MBD5: variants seen among roughly 807,000 people sequenced by gnomAD.
MBD5 encodes the protein methyl-CpG-binding domain protein 5.
A neutral mutation model predicts 117.3 loss-of-function variants in MBD5; 13 were observed. The ratio of observed to expected loss-of-function variants is 0.11; its 90% CI spans 0.07 to 0.18. The LOEUF (loss-of-function observed/expected upper bound fraction) is 0.18, where lower values mean the gene tolerates loss of function less well. MBD5 is among the 10% of genes least tolerant of loss of function. The pLI is 1.00. For synonymous variants in MBD5, 727 were observed against 766.4 expected, an observed-to-expected ratio of 0.95 and a Z score of 0.85; for missense variants, 1,879 against 2,093.8, an observed-to-expected ratio of 0.90 and a Z score of 2.00.
intron 1 of MBD5, among the ~76,000 whole-genome samples, chr2:148,145,939 G>T (rs1558945066): frequency 6.6e-6 from 1 of 152,086 alleles, no homozygotes. Flanking sequence ...GCCAGGCTTT[G>T]GTATCAGGAT....
chr2:148,461,822 C>T (rs1295707694), intron 5 of MBD5, among the ~76,000 whole-genome samples: 1 of 152,176 alleles, frequency 6.6e-6, no homozygotes, highest in Non-Finnish European at 1.5e-5. Flanking sequence ...ACATATCTTA[C>T]TGACTTTTGT....
chr2:148,381,045 C>G (rs1416012338), intron 4 of MBD5, among the ~76,000 whole-genome samples: 1 of 152,084 alleles, frequency 6.6e-6, no homozygotes, highest in Non-Finnish European at 1.5e-5. Context: ...AAACCAGAAA[C>G]TCAAAATCAG....
chr2:148,238,320 T>C lies in MBD5; in HGVS notation c.-680+4925T>C, dbSNP rs1171029058. On this transcript the variant is annotated intron_variant, in intron 3 of 13. Coordinates refer to ENST00000642680, the MANE Select transcript of MBD5 (RefSeq NM_001378120.1). ...TAATCTGAGTCTCATAGAAACTATG[T>C]ACATTCCAAATTTTGTTTAAAAATG... Among the ~76,000 whole-genome samples the C allele has an allele frequency of 2.0e-5, 3 of 152,224 alleles. No homozygotes were observed. In the East Asian group the frequency reaches 5.8e-4, roughly 29 times the overall value.
At position 148,510,116 on chromosome 2, in the gene MBD5, T is replaced by G. The variant is rs1292438194; in HGVS notation, c.5093T>G (p.Leu1698Arg). 1 of 1,611,070 alleles carries G rather than the reference T, an allele frequency of 6.2e-7. No individual in the cohort carries two copies. Among genetic ancestry groups the G allele is most frequent in the African/African-American group, 1.3e-5 (1 of 75,010 alleles). Residue 1698 changes from leucine (L) to arginine (R), a missense_variant, in exon 13 of 14, where the codon CTG becomes CGG. Transcript: ENST00000642680. ...EAAIHEAMSE[L>R]DKMSGTVHQI... ...GCTATTCATGAGGCCATGAGTGAAC[T>G]GGACAAAATGTCTGGGACTGTAAGT...
At chr2:148,283,117 C>T (rs1313572068) in intron 3 of MBD5, among the ~76,000 whole-genome samples, 3 of 152,024 alleles carry the variant, frequency 2.0e-5, no homozygotes, top group Non-Finnish European at 4.4e-5. Context: ...ATAACACTCC[C>T]ATATCAGAGT....
At chr2:148,209,120 C>T (rs1574139321) in intron 2 of MBD5, among the ~76,000 whole-genome samples, 3 of 152,106 alleles carry the variant, frequency 2.0e-5, no homozygotes, top group Admixed American at 2.0e-4. Context: ...CATTCTAAAA[C>T]TGATTATGTT....
intron 3 of MBD5, among the ~76,000 whole-genome samples, chr2:148,251,820 A>G (rs1250696880): frequency 6.6e-6 from 1 of 152,206 alleles, no homozygotes; most frequent in African/African-American, 2.4e-5. Context: ...CCAAAAAGAC[A>G]GGTCATTTTG....
At chr2:148,242,940 G>C (rs772715254) in intron 3 of MBD5, among the ~76,000 whole-genome samples, 9 of 152,186 alleles carry the variant, frequency 5.9e-5, no homozygotes, top group Non-Finnish European at 1.2e-4. Flanking sequence ...TTTTGCTATA[G>C]TGGAAGTAAT....
At chr2:148,134,044 C>T (rs576652184) in intron 1 of MBD5, among the ~76,000 whole-genome samples, 1 of 152,134 alleles carries the variant, frequency 6.6e-6, no homozygotes, top group South Asian at 2.1e-4. Context: ...CATAGACATT[C>T]CTAAAAGAAA....
intron 1 of MBD5, among the ~76,000 whole-genome samples, chr2:148,157,837 T>A (rs1697911524): frequency 6.6e-6 from 1 of 152,210 alleles, no homozygotes; most frequent in African/African-American, 2.4e-5. Context: ...TGGATTAACT[T>A]TTTTATTCCA....
intron 4 of MBD5, chr2:148,346,116 A>G (rs1178485329): frequency 6.6e-6 from 1 of 151,962 alleles, no homozygotes; most frequent in Non-Finnish European, 1.5e-5. Flanking sequence ...CAAGGGGTAT[A>G]TGGGAGTCTC....
chr2:148,282,534 G>C, intron 3 of MBD5, among the ~76,000 whole-genome samples: 1 of 135,456 alleles, frequency 7.4e-6, no homozygotes, highest in East Asian at 2.1e-4. Flanking sequence ...GTTGTTCAAG[G>C]TTAAAAAAAT....
intron 12 of MBD5, 81 bp from the exon 13 acceptor site, chr2:148,509,979 T>A (rs1312245779): frequency 2.8e-5 from 33 of 1,164,512 alleles, no homozygotes; most frequent in Non-Finnish European, 4.0e-5. Flanking sequence ...GAATTGGTAC[T>A]TTTGTTTTCT....
intron 4 of MBD5, among the ~76,000 whole-genome samples, chr2:148,433,952 T>A (rs1036775932): frequency 4.6e-5 from 7 of 151,832 alleles, no homozygotes; most frequent in African/African-American, 1.7e-4. Context: ...TTTAATAGTT[T>A]CAGTAGAAAT....
rs1011419562 is a variant in MBD5 at position 148,195,196 on chromosome 2, T to G, written c.-831+16403T>G. Among the ~76,000 whole-genome samples the G allele has an allele frequency of 4.0e-5, 6 of 151,734 alleles. No homozygotes were observed. The East Asian group carries it at 1.2e-3, about 29-fold the overall frequency. Reference sequence around the variant, plus strand: ...TGCATTTTAAATATAAAAACACAGGTAGGTTAAAAGTTAAAGGATGTGTTA... The same window carrying G: ...TGCATTTTAAATATAAAAACACAGGGAGGTTAAAAGTTAAAGGATGTGTTA... On this transcript the variant is annotated intron_variant, in intron 2 of 13. Transcript: ENST00000642680.
chr2:148,407,362 G>C (rs1468493586), intron 4 of MBD5, among the ~76,000 whole-genome samples: 3 of 151,704 alleles, frequency 2.0e-5, no homozygotes, highest in African/African-American at 7.3e-5. Flanking sequence ...GTGTGTGTGT[G>C]TGTGTGTTTG....
intron 4 of MBD5, among the ~76,000 whole-genome samples, chr2:148,443,010 TA>T (rs1706374583): frequency 6.6e-6 from 1 of 151,344 alleles, no homozygotes; most frequent in East Asian, 1.9e-4. Flanking sequence ...CAGGGATCAA[TA>T]ACCAGAATAT....
At chr2:148,382,262 C>T (rs1035086609) in intron 4 of MBD5, among the ~76,000 whole-genome samples, 2 of 151,800 alleles carry the variant, frequency 1.3e-5, no homozygotes, top group Non-Finnish European at 2.9e-5. Context: ...GGAGGAAGAT[C>T]TACCAAGCAA....
chr2:148,144,880 A>AT (rs1558944451), intron 1 of MBD5, among the ~76,000 whole-genome samples: 2 of 152,148 alleles, frequency 1.3e-5, no homozygotes, highest in Admixed American at 6.5e-5. Flanking sequence ...GCCAGGTAGC[A>AT]TGATGCCTCC....
Sources: allele counts gnomAD v4.1 joint callset (sites outside exome capture counted in the v4.1 genomes callset), GRCh38; gene constraint gnomAD v4.1.1; transcripts MANE v1.5; gene names NCBI Gene and HGNC (gene_info 2026-07-23, HGNC 2026-07-21).